Variants in CAMKMT observed in about 807,000 individuals in gnomAD.
CAMKMT encodes the protein calmodulin-lysine N-methyltransferase, also known as CaM KMT.
A neutral mutation model predicts 48.0 loss-of-function variants in CAMKMT; 53 were observed. The ratio of observed to expected loss-of-function variants is 1.10; its 90% CI spans 0.89 to 1.39. The LOEUF (loss-of-function observed/expected upper bound fraction) is 1.39. Among genes scored for constraint, CAMKMT ranks in the 40% most tolerant of loss-of-function variants. CAMKMT has a pLI of 0.00. For missense variants in CAMKMT, 428 were observed against 402.7 expected (o/e 1.06, Z -0.54); for synonymous variants, 165 against 152.3 (o/e 1.08, Z -0.61).
intron 1 of CAMKMT, among the ~76,000 whole-genome samples, chr2:44,367,047 G>A (rs1678669595): frequency 6.6e-6 from 1 of 152,088 alleles, no homozygotes; most frequent in African/African-American, 2.4e-5. Flanking sequence ...TTAAAAACGG[G>A]AAACACTATA....
intron 3 of CAMKMT, among the ~76,000 whole-genome samples, chr2:44,606,326 C>T (rs552918725): frequency 6.6e-5 from 10 of 152,210 alleles, no homozygotes; most frequent in African/African-American, 2.4e-4. Context: ...TTGGCTGAAA[C>T]GATTACCTCT....
chr2:44,476,553 G>C (rs556008462), intron 3 of CAMKMT, among the ~76,000 whole-genome samples: 31 of 151,412 alleles, frequency 2.0e-4, no homozygotes, highest in African/African-American at 7.5e-4. Flanking sequence ...GGGTTTTAGG[G>C]TTCTTAAAAA....
intron 7 of CAMKMT, among the ~76,000 whole-genome samples, chr2:44,734,875 G>C (rs936461834): frequency 5.1e-4 from 78 of 152,216 alleles, no homozygotes; most frequent in Non-Finnish European, 7.8e-4. Flanking sequence ...GTTATTGATA[G>C]TGTTGTTTAA....
intron 3 of CAMKMT, among the ~76,000 whole-genome samples, chr2:44,564,937 C>T (rs1259140538): frequency 1.3e-5 from 2 of 152,190 alleles, no homozygotes; most frequent in African/African-American, 2.4e-5. Flanking sequence ...ATGAACTAAG[C>T]CACCCTGTTA....
At chr2:44,637,990 G>A (rs1400714531) in intron 3 of CAMKMT, among the ~76,000 whole-genome samples, 2 of 150,320 alleles carry the variant, frequency 1.3e-5, no homozygotes, top group Admixed American at 6.7e-5. Context: ...GCTTGAACTC[G>A]GGAGGCAGAG....
chr2:44,631,469 A>T (rs147453585), intron 3 of CAMKMT: 2 of 600,736 alleles, frequency 3.3e-6, no homozygotes, highest in African/African-American at 1.9e-5. Context: ...AAAAAAAACA[A>T]TTTTTTATTT....
intron 1 of CAMKMT, among the ~76,000 whole-genome samples, chr2:44,365,239 C>G (rs1678466992): frequency 6.6e-6 from 1 of 152,132 alleles, no homozygotes; most frequent in South Asian, 2.1e-4. Flanking sequence ...TCTGTCTTTC[C>G]ATTACCCTAT....
intron 3 of CAMKMT, among the ~76,000 whole-genome samples, chr2:44,553,364 C>CT (rs11355850): frequency 0.03 from 4,262 of 141,196 alleles, 161 homozygotes; most frequent in African/African-American, 0.088. Flanking sequence ...GAGTGAGACA[C>CT]TTTTTTTTTT....
intron 3 of CAMKMT, among the ~76,000 whole-genome samples, chr2:44,576,715 G>A (rs1669240690): frequency 6.6e-6 from 1 of 152,204 alleles, no homozygotes; most frequent in African/African-American, 2.4e-5. Context: ...GTTAGGATTA[G>A]TGAGAGAAAG....
At chr2:44,620,311 G>A (rs977763390) in intron 3 of CAMKMT, among the ~76,000 whole-genome samples, 2 of 151,460 alleles carry the variant, frequency 1.3e-5, no homozygotes, top group Non-Finnish European at 2.9e-5. Flanking sequence ...AGCCAGGACC[G>A]TACTGTTGGA....
At chr2:44,568,390 A>G (rs1558709116) in intron 3 of CAMKMT, among the ~76,000 whole-genome samples, 1 of 151,422 alleles carries the variant, frequency 6.6e-6, no homozygotes, top group Non-Finnish European at 1.5e-5. Flanking sequence ...AATGAACATA[A>G]TTTTTCAATC....
At chr2:44,674,367 A>G (rs1355396781) in intron 3 of CAMKMT, among the ~76,000 whole-genome samples, 1 of 152,238 alleles carries the variant, frequency 6.6e-6, no homozygotes, top group East Asian at 1.9e-4. Context: ...CCACTAGACT[A>G]TCAGCATCTT....
At chr2:44,581,339 A>G (rs1669548746) in intron 3 of CAMKMT, among the ~76,000 whole-genome samples, 1 of 152,230 alleles carries the variant, frequency 6.6e-6, no homozygotes, top group Non-Finnish European at 1.5e-5. Context: ...TGAAGCCGAC[A>G]TTAAGCTAAG....
chr2:44,619,649 G>A (rs1212744601), intron 3 of CAMKMT, among the ~76,000 whole-genome samples: 3 of 152,192 alleles, frequency 2.0e-5, no homozygotes, highest in African/African-American at 7.2e-5. Context: ...GGCTACTAGA[G>A]AGTACTTTTT....
At chr2:44,586,544 G>C (rs1669868834) in intron 3 of CAMKMT, among the ~76,000 whole-genome samples, 2 of 151,932 alleles carry the variant, frequency 1.3e-5, no homozygotes, top group African/African-American at 4.8e-5. Flanking sequence ...TTTTTCATCA[G>C]GCTTCTTTCA....
intron 3 of CAMKMT, among the ~76,000 whole-genome samples, chr2:44,625,527 A>G (rs767025347): frequency 3.9e-5 from 6 of 152,026 alleles, no homozygotes; most frequent in Non-Finnish European, 8.8e-5. Context: ...TATAAAATCT[A>G]AGTTATCTTT....
At chr2:44,425,237 ATTATC>A (rs1272547663) in intron 3 of CAMKMT, among the ~76,000 whole-genome samples, 4 of 152,220 alleles carry the variant, frequency 2.6e-5, no homozygotes, top group African/African-American at 9.6e-5. Context: ...TGAATAAAAC[ATTATC>A]TTATCATTAT....
chr2:44,573,806 G>A (rs1266859126), intron 3 of CAMKMT, among the ~76,000 whole-genome samples: 1 of 152,108 alleles, frequency 6.6e-6, no homozygotes, highest in Admixed American at 6.5e-5. Context: ...CAAACCAAAT[G>A]TATTAGTTTA....
At chr2:44,482,596 C>G (rs1669027495) in intron 3 of CAMKMT, among the ~76,000 whole-genome samples, 1 of 152,074 alleles carries the variant, frequency 6.6e-6, no homozygotes, top group Non-Finnish European at 1.5e-5. Context: ...AAACATAGTT[C>G]TATTTTGAGT....
Sources: gnomAD v4.1 joint callset for allele counts (sites outside exome capture counted in the v4.1 genomes callset) on GRCh38, gnomAD v4.1.1 for gene constraint, MANE v1.5 for transcripts, NCBI Gene and HGNC (gene_info 2026-07-23, HGNC 2026-07-21) for gene names.